The following PTPRN2 variants were observed in gnomAD, a reference collection of about 807,000 sequenced individuals.
The protein encoded by PTPRN2 is protein tyrosine phosphatase receptor type N2.
PTPRN2 carries 74 observed loss-of-function variants against 118.8 expected under a neutral mutation model. The observed-to-expected ratio is 0.62, with a 90% CI of 0.52 to 0.76. The LOEUF is 0.76. Ranked by LOEUF, PTPRN2 falls within the 30% of genes least tolerant of loss-of-function variation. The pLI, the probability that PTPRN2 is intolerant of heterozygous loss-of-function variation, is 0.00. For missense variants in PTPRN2, 1,481 were observed against 1,394.4 expected (o/e 1.06, Z -0.99); for synonymous variants, 641 against 608.0 (o/e 1.05, Z -0.80).
chr7:158,098,772 A>G (rs1814897995), intron 10 of PTPRN2, among the ~76,000 whole-genome samples: 1 of 151,748 alleles, frequency 6.6e-6, no homozygotes, highest in South Asian at 2.1e-4. Flanking sequence ...GGAGTGGGAG[A>G]CATGAAGCAA....
chr7:157,789,877 G>C (rs913749736), intron 12 of PTPRN2, among the ~76,000 whole-genome samples: 1 of 150,218 alleles, frequency 6.7e-6, no homozygotes, highest in Admixed American at 6.6e-5. Context: ...TGTGTAGTAT[G>C]TGTGCAGGTA....
At chr7:158,333,938 GCT>G (rs1563158900) in intron 2 of PTPRN2, among the ~76,000 whole-genome samples, 7 of 59,104 alleles carry the variant, frequency 1.2e-4, no homozygotes, top group Non-Finnish European at 2.3e-4. Flanking sequence ...CACCATAAGA[GCT>G]GTCGCCCGCA....
At chr7:158,313,401 CTAG>C (rs1802035313) in intron 3 of PTPRN2, among the ~76,000 whole-genome samples, 1 of 152,208 alleles carries the variant, frequency 6.6e-6, no homozygotes, top group Non-Finnish European at 1.5e-5. Flanking sequence ...TTTTCACTGT[CTAG>C]AGAGTCCAAC....
chr7:158,301,909 C>T (rs947506654), intron 3 of PTPRN2, among the ~76,000 whole-genome samples: 2 of 152,000 alleles, frequency 1.3e-5, no homozygotes, highest in Admixed American at 6.6e-5. Flanking sequence ...GAGATTGTGC[C>T]GCTGTATTCC....
Position 158,083,916 on chromosome 7 carries a change from C to A in PTPRN2, c.1644-2539G>T, listed in dbSNP as rs533033207. ...CGGTAACGTGACCCCAACTGCATAA[C>A]CTTCCCTAACTTGAATATGTGCAGG... On this transcript the variant is annotated intron_variant, in intron 10 of 22. Transcript: ENST00000389418. Among the ~76,000 whole-genome samples, 60 of 152,370 alleles carry A rather than the reference C, an allele frequency of 3.9e-4. 1 individual carries two copies. In the South Asian group the frequency reaches 0.012, roughly 30 times the overall value.
chr7:158,572,833 C>T (rs2129451609), intron 1 of PTPRN2, among the ~76,000 whole-genome samples: 1 of 152,310 alleles, frequency 6.6e-6, no homozygotes, highest in East Asian at 1.9e-4. Flanking sequence ...ATAGGAACAG[C>T]AGTTTCTAAA....
At chr7:158,475,608 A>C (rs1820198916) in intron 2 of PTPRN2, among the ~76,000 whole-genome samples, 1 of 151,142 alleles carries the variant, frequency 6.6e-6, no homozygotes. Context: ...GCACTCCAAT[A>C]CCTTCTCGGG....
chr7:158,568,135 T>C (rs11980107), intron 1 of PTPRN2, among the ~76,000 whole-genome samples: 2,178 of 152,156 alleles, frequency 0.014, 49 homozygotes, highest in African/African-American at 0.05. Context: ...TGCCTGTAGT[T>C]CCAGCTACTT....
intron 20 of PTPRN2, 127 bp from the exon 21 acceptor site, chr7:157,569,093 G>A: frequency 1.1e-6 from 1 of 916,160 alleles, no homozygotes; most frequent in Non-Finnish European, 1.7e-6. Context: ...TGGCGGATGT[G>A]AGAGGGGGAG....
chr7:158,318,492 A>G (rs1283630725), intron 2 of PTPRN2, among the ~76,000 whole-genome samples: 1 of 152,138 alleles, frequency 6.6e-6, no homozygotes, highest in Non-Finnish European at 1.5e-5. Flanking sequence ...GCCACGGGCC[A>G]GGAAGAACCA....
intron 2 of PTPRN2, among the ~76,000 whole-genome samples, chr7:158,403,630 G>C (rs1168127776): frequency 6.6e-6 from 1 of 152,222 alleles, no homozygotes; most frequent in Non-Finnish European, 1.5e-5. Flanking sequence ...TGTCGGACTG[G>C]AAGTGGGCTA....
Position 158,110,826 on chromosome 7 carries a change from TACTC to T in PTPRN2, c.1642_1643+2del, listed in dbSNP as rs1816182300. The T allele has an allele frequency of 6.3e-7, 1 of 1,580,268 alleles. No individual in the cohort carries two copies. The highest frequency in any genetic ancestry group is 8.6e-7 in the Non-Finnish European group (1 of 1,162,396). On this transcript the variant is annotated splice_donor_variant and coding_sequence_variant, in exon 10 of 23. Transcript: ENST00000389418. LOFTEE classifies it high-confidence loss of function. ...AACAGAAACCCCAGGGCCCCGTACT[TACTC>T]CACGTCAGCGAACGCACTGCTGGGC... is the stretch of plus-strand genomic sequence containing the variant.
intron 2 of PTPRN2, among the ~76,000 whole-genome samples, chr7:158,337,301 C>A (rs1805808181): frequency 1.3e-5 from 2 of 151,256 alleles, no homozygotes; most frequent in African/African-American, 4.9e-5. Flanking sequence ...TAAGAGCTGT[C>A]ACGCACAGAC....
At position 158,003,248 on chromosome 7, in the gene PTPRN2, A is replaced by G. The variant is rs887740987; in HGVS notation, c.1723+78050T>C. Among the ~76,000 whole-genome samples, 3 of 151,656 alleles carry G rather than the reference A, an allele frequency of 2.0e-5. No individual in the cohort carries two copies. Among genetic ancestry groups the G allele is most frequent in the Non-Finnish European group, 2.9e-5 (2 of 67,942 alleles). On this transcript the variant is annotated intron_variant, in intron 11 of 22. Transcript: ENST00000389418. This position sits in a 1 kb window ranked among gnomAD's most constrained non-coding sequence, Gnocchi z 5.0. ...GCTAACACGGTGAAACCCCGTTTCT[A>G]CTAAAAATACAAAAAATTAGCCGGG...
intron 20 of PTPRN2, among the ~76,000 whole-genome samples, chr7:157,571,010 C>T (rs759513221): frequency 3.2e-4 from 48 of 152,036 alleles, no homozygotes; most frequent in Admixed American, 1.1e-3. Context: ...GTTGGGAGGC[C>T]GAGGTCGGTG....
At chr7:158,535,823 T>A (rs571115517) in intron 1 of PTPRN2, among the ~76,000 whole-genome samples, 1 of 151,654 alleles carries the variant, frequency 6.6e-6, no homozygotes, top group East Asian at 1.9e-4. Context: ...TATACTTGAT[T>A]ATATTTGGGA....
intron 5 of PTPRN2, 109 bp from the exon 6 acceptor site, chr7:158,167,400 G>T (rs1823132111): frequency 7.3e-7 from 1 of 1,360,860 alleles, no homozygotes; most frequent in Non-Finnish European, 9.8e-7. Context: ...AGCCCTGGGG[G>T]TACAAAGATG....
intron 2 of PTPRN2, among the ~76,000 whole-genome samples, chr7:158,327,662 C>T (rs1803760296): frequency 6.6e-6 from 1 of 152,366 alleles, no homozygotes; most frequent in South Asian, 2.1e-4. Context: ...AGGTGTCCTG[C>T]TGTACCAGGC....
At position 158,092,217 on chromosome 7, in the gene PTPRN2, T is replaced by C. The variant is rs554762348; in HGVS notation, c.1644-10840A>G. On this transcript the variant is annotated intron_variant, in intron 10 of 22. Coordinates refer to ENST00000389418, the MANE Select transcript of PTPRN2 (RefSeq NM_002847.5). ...ATGTATATGTGTGCATATATATATA[T>C]ACACACATATATGTATATATATGCA... Among the ~76,000 whole-genome samples the C allele has an allele frequency of 3.2e-4, 48 of 151,184 alleles. No individual in the cohort carries two copies. The South Asian group carries it at 5.7e-3, about 18-fold the overall frequency.
Sources: gnomAD v4.1 joint callset for allele counts (sites outside exome capture counted in the v4.1 genomes callset) on GRCh38, gnomAD v4.1.1 for gene constraint, Gnocchi (gnomAD v3.1) non-coding constraint, MANE v1.5 for transcripts, NCBI Gene and HGNC (gene_info 2026-07-23, HGNC 2026-07-21) for gene names.